Variants in XPO4 observed in about 807,000 individuals in gnomAD.
XPO4 encodes the protein exportin 4.
A neutral mutation model predicts 143.0 loss-of-function variants in XPO4; 39 were observed. That is an observed-to-expected ratio of 0.27 (90% CI 0.21 to 0.36). The LOEUF (loss-of-function observed/expected upper bound fraction) is 0.36, where lower values mean the gene tolerates loss of function less well. XPO4 is among the 10% of genes least tolerant of loss of function. XPO4 has a pLI of 1.00. For missense variants in XPO4, 907 were observed against 1,348.0 expected (o/e 0.67, Z 5.12); for synonymous variants, 439 against 474.0 (o/e 0.93, Z 0.96).
intron 1 of XPO4, among the ~76,000 whole-genome samples, chr13:20,881,462 G>A (rs2060409079): frequency 1.3e-5 from 2 of 151,894 alleles, no homozygotes; most frequent in African/African-American, 4.8e-5. Context: ...AGTAGAGACG[G>A]GGTTTCACTG....
At chr13:20,787,391 A>G in intron 21 of XPO4, 90 bp downstream of exon 21, 1 of 1,239,422 alleles carries the variant, frequency 8.1e-7, no homozygotes, top group Non-Finnish European at 1.2e-6. Context: ...GAAAGAATGG[A>G]AGCATTTCCT....
chr13:20,833,135 T>C (rs948340618), intron 6 of XPO4, among the ~76,000 whole-genome samples: 1 of 152,148 alleles, frequency 6.6e-6, no homozygotes, highest in African/African-American at 2.4e-5. Context: ...CCGAACTATA[T>C]TTATAGTGAA....
intron 12 of XPO4, 140 bp downstream of exon 12, chr13:20,808,296 T>C (rs1179791554): frequency 1.2e-5 from 10 of 854,518 alleles, no homozygotes; most frequent in African/African-American, 1.7e-5. Context: ...AATGCATCCA[T>C]AGTTCTATGA....
At chr13:20,792,118 C>T (rs1456588823) in intron 18 of XPO4, among the ~76,000 whole-genome samples, 1 of 152,172 alleles carries the variant, frequency 6.6e-6, no homozygotes, top group Non-Finnish European at 1.5e-5. Context: ...CAGTCTCTAA[C>T]CATGTGCTCT....
rs573012457 is a variant in XPO4 at position 20,900,453 on chromosome 13, A to G, written c.69+2217T>C. 5.3e-5 allele frequency among the ~76,000 whole-genome samples: 8 copies of G among 152,274 alleles called. No individual in the cohort carries two copies. In the East Asian group the frequency reaches 1.5e-3, roughly 29 times the overall value. ...CTGGAGATAAAAAGTAATATATGTA[A>G]AGGGCTTGGCACAGCGCCTCCAACA... On this transcript the variant is annotated intron_variant, in intron 1 of 22. Transcript: ENST00000255305.
intron 1 of XPO4, among the ~76,000 whole-genome samples, chr13:20,870,613 C>T (rs983342371): frequency 1.3e-5 from 2 of 151,598 alleles, no homozygotes; most frequent in African/African-American, 4.8e-5. Flanking sequence ...GCCTGTAATC[C>T]CAGCTACTAG....
At chr13:20,842,261 T>C (rs977883948) in intron 6 of XPO4, among the ~76,000 whole-genome samples, 6 of 152,186 alleles carry the variant, frequency 3.9e-5, no homozygotes, top group Admixed American at 2.6e-4. Flanking sequence ...TGTCCCAGCA[T>C]AGTAAATGAG....
At position 20,787,476 on chromosome 13, in the gene XPO4, C is replaced by T. The variant is rs1377092192; in HGVS notation, c.3165+5G>A. 2 of 1,613,788 alleles carry T rather than the reference C, an allele frequency of 1.2e-6. No individual in the cohort carries two copies. The highest frequency in any genetic ancestry group is 1.7e-5 in the Admixed American group (1 of 60,034). ...ATTTTCTGACCTACCGCACAGACATCTTACCTTAAGAAAGTGCCGTGTTGC... is the reference window on the plus strand; with the variant it reads ...ATTTTCTGACCTACCGCACAGACATTTTACCTTAAGAAAGTGCCGTGTTGC... On this transcript the variant is annotated splice_donor_5th_base_variant and intron_variant, in intron 21 of 22. Transcript: ENST00000255305.
At chr13:20,886,583 A>T (rs1376240155) in intron 1 of XPO4, among the ~76,000 whole-genome samples, 1 of 152,134 alleles carries the variant, frequency 6.6e-6, no homozygotes, top group Admixed American at 6.6e-5. Flanking sequence ...ACTGCACACC[A>T]GCCTGGGCAA....
chr13:20,821,064 A>G (rs1213302644), intron 9 of XPO4, among the ~76,000 whole-genome samples: 2 of 152,220 alleles, frequency 1.3e-5, no homozygotes, highest in African/African-American at 4.8e-5. Context: ...AAGGGGTTTT[A>G]GTAGACGTCT....
Position 20,777,855 on chromosome 13 carries a change from A to G in XPO4, c.*5867T>C, listed in dbSNP as rs2141451370. 6.6e-6 allele frequency: 1 copy of G among 152,220 alleles called. No individual in the cohort carries two copies. Among genetic ancestry groups the G allele is most frequent in the East Asian group, 1.9e-4 (1 of 5,196 alleles). The allele number at this position is 152,220 out of a possible 1,614,324, so 9.4% of individuals were successfully genotyped here. A position where few individuals can be genotyped will look rare whatever the true frequency, so the allele number is the denominator to read the frequency against. ...TCAGTAGGAGGTTGAATTATACGCCAGACTGAGACAGGATGCTGCTGGGGG... is the reference window on the plus strand; with the variant it reads ...TCAGTAGGAGGTTGAATTATACGCCGGACTGAGACAGGATGCTGCTGGGGG... On this transcript the variant is annotated 3_prime_UTR_variant, in exon 23 of 23. Transcript: ENST00000255305.
chr13:20,837,645 T>G (rs1487367545), intron 6 of XPO4, among the ~76,000 whole-genome samples: 3 of 152,012 alleles, frequency 2.0e-5, no homozygotes, highest in African/African-American at 7.3e-5. Flanking sequence ...ATTGAGCAAT[T>G]TACAAAAGAA....
chr13:20,842,856 A>G, intron 6 of XPO4, 39 bp downstream of exon 6: 1 of 1,552,008 alleles, frequency 6.4e-7, no homozygotes, highest in South Asian at 1.2e-5. Flanking sequence ...CACCTATGAA[A>G]ATTACCACAG....
intron 4 of XPO4, chr13:20,849,411 C>A (rs1244099498): frequency 2.9e-5 from 29 of 984,416 alleles, no homozygotes; most frequent in Non-Finnish European, 3.3e-5. Flanking sequence ...TTAACGTATG[C>A]CTACTGCTTT....
In XPO4 at chr13:20,779,077, T is replaced by A. The variant is rs971744366; in HGVS notation, c.*4645A>T. 6.6e-6 allele frequency: 1 copy of A among 152,168 alleles called. No individual in the cohort carries two copies. Among genetic ancestry groups the A allele is most frequent in the Non-Finnish European group, 1.5e-5 (1 of 68,028 alleles). 9.4% of individuals were successfully genotyped at this position (152,168 alleles called of 1,614,324 possible). ...TTAGTTATGTTAATAGAGGTAAATA[T>A]TTAAACAGTACACTCATCCCTGGGT... is the stretch of plus-strand genomic sequence containing the variant. On this transcript the variant is annotated 3_prime_UTR_variant, in exon 23 of 23. Transcript: ENST00000255305.
At chr13:20,824,306 C>A (rs1192319795) in intron 7 of XPO4, among the ~76,000 whole-genome samples, 1 of 152,084 alleles carries the variant, frequency 6.6e-6, no homozygotes, top group Non-Finnish European at 1.5e-5. Context: ...TGTCACGATG[C>A]CTTAGAATCT....
chr13:20,788,759 C>T (rs1424937950), intron 19 of XPO4, 143 bp from the exon 20 acceptor site: 2 of 806,840 alleles, frequency 2.5e-6, no homozygotes, highest in African/African-American at 1.8e-5. Context: ...AACATGAAGA[C>T]CAAATTAAAT....
At chr13:20,828,108 G>A (rs1469349672) in intron 6 of XPO4, among the ~76,000 whole-genome samples, 1 of 152,078 alleles carries the variant, frequency 6.6e-6, no homozygotes, top group African/African-American at 2.4e-5. Flanking sequence ...ATGGTGGCAG[G>A]CACCTGTAAT....
intron 18 of XPO4, among the ~76,000 whole-genome samples, chr13:20,792,254 C>T (rs958850271): frequency 6.6e-6 from 1 of 151,984 alleles, no homozygotes; most frequent in Non-Finnish European, 1.5e-5. Context: ...GAGACCAGCC[C>T]GGCCAACATG....
Sources: allele counts gnomAD v4.1 joint callset (sites outside exome capture counted in the v4.1 genomes callset), GRCh38; gene constraint gnomAD v4.1.1; transcripts MANE v1.5; gene names NCBI Gene and HGNC (gene_info 2026-07-23, HGNC 2026-07-21).